Variants in MTSS1 observed in about 807,000 individuals in gnomAD.
The protein encoded by MTSS1 is protein MTSS 1.
MTSS1 carries 18 observed loss-of-function variants against 79.0 expected under a neutral mutation model. That is an observed-to-expected ratio of 0.23 (90% CI 0.16 to 0.34). The LOEUF is 0.34. Among genes scored for constraint, MTSS1 ranks in the 10% least tolerant of loss-of-function variants. MTSS1 has a pLI of 1.00. For synonymous variants in MTSS1, 341 were observed against 368.6 expected (o/e 0.93, Z 0.86); for missense variants, 815 against 986.2 (o/e 0.83, Z 2.33).
intron 1 of MTSS1, among the ~76,000 whole-genome samples, chr8:124,724,156 C>G (rs1389268294): frequency 6.6e-6 from 1 of 152,180 alleles, no homozygotes; most frequent in Non-Finnish European, 1.5e-5. Context: ...AAAAAAAATC[C>G]TGAAATCACT....
At chr8:124,578,494 C>T (rs1422518218) in intron 6 of MTSS1, among the ~76,000 whole-genome samples, 2 of 151,998 alleles carry the variant, frequency 1.3e-5, no homozygotes, top group South Asian at 2.1e-4. Flanking sequence ...ACACCTTTTG[C>T]TTATATTCAT....
intron 3 of MTSS1, among the ~76,000 whole-genome samples, chr8:124,648,214 A>G (rs1174384375): frequency 6.6e-6 from 1 of 152,200 alleles, no homozygotes; most frequent in African/African-American, 2.4e-5. Flanking sequence ...AAAGATTATG[A>G]GTTGATGTTC....
Position 124,598,029 on chromosome 8 carries a change from C to G in MTSS1, c.209-6794G>C, listed in dbSNP as rs1833067647. ...TGGCCATGCCTATAATCCCAACACT[C>G]TGGAAGGCTGAGGCAGGAGGATCAC... On this transcript the variant is annotated intron_variant, in intron 3 of 13. Coordinates refer to ENST00000518547, the MANE Select transcript of MTSS1 (RefSeq NM_014751.6). 1.3e-5 allele frequency among the ~76,000 whole-genome samples: 2 copies of G among 152,176 alleles called. 1 individual carries two copies. The highest frequency in any genetic ancestry group is 1.3e-4 in the Admixed American group (2 of 15,284).
At chr8:124,589,763 T>C (rs1831511237) in intron 4 of MTSS1, 52 bp from the exon 5 acceptor site, 1 of 1,278,028 alleles carries the variant, frequency 7.8e-7, no homozygotes, top group Non-Finnish European at 1.1e-6. Context: ...TACATTCTGT[T>C]GTCAGGATTT....
In MTSS1 at chr8:124,636,423, AC is replaced by A. The variant is rs571047919; in HGVS notation, c.209-45189del. Among the ~76,000 whole-genome samples the A allele has an allele frequency of 8.5e-5, 13 of 152,168 alleles. No homozygotes were observed. The South Asian group carries it at 2.7e-3, about 32-fold the overall frequency. ...TGGGATTACAGGTGTGAGTCACTGC[AC>A]CCCGCCAAAGTTTGGTGGCCTTTCT... On this transcript the variant is annotated intron_variant, in intron 3 of 13. Coordinates refer to ENST00000518547, the MANE Select transcript of MTSS1 (RefSeq NM_014751.6).
At chr8:124,600,215 C>T (rs1361146722) in intron 3 of MTSS1, among the ~76,000 whole-genome samples, 2 of 152,070 alleles carry the variant, frequency 1.3e-5, no homozygotes, top group African/African-American at 4.8e-5. Context: ...TTTACAGTTG[C>T]CTCATCCATA....
intron 3 of MTSS1, among the ~76,000 whole-genome samples, chr8:124,669,679 T>C (rs1563966988): frequency 6.6e-6 from 1 of 152,346 alleles, no homozygotes; most frequent in South Asian, 2.1e-4. Context: ...TCTATATACA[T>C]TCAGGGACAC....
chr8:124,607,302 C>T (rs1161545034), intron 3 of MTSS1, among the ~76,000 whole-genome samples: 1 of 152,198 alleles, frequency 6.6e-6, no homozygotes, highest in East Asian at 1.9e-4. Context: ...AGGCCAGGGA[C>T]AGAGGATGCA....
At chr8:124,639,843 T>C (rs1469950149) in intron 3 of MTSS1, among the ~76,000 whole-genome samples, 2 of 152,234 alleles carry the variant, frequency 1.3e-5, no homozygotes, top group Non-Finnish European at 2.9e-5. Context: ...TTTCGTTCAA[T>C]TTCTTGCCCC....
chr8:124,555,214 G>A lies in MTSS1; in HGVS notation c.1567+528C>T, dbSNP rs1208687177. Among the ~76,000 whole-genome samples the A allele has an allele frequency of 4.6e-5, 7 of 152,018 alleles. No individual in the cohort carries two copies. The East Asian group carries it at 5.8e-4, about 13-fold the overall frequency. On this transcript the variant is annotated intron_variant, in intron 13 of 13. Transcript: ENST00000518547. ...ACTGCTGTATATGATGCTGCAAAAC[G>A]CAAAAAGCTGTGAAAGTCCAGATCC...
At chr8:124,616,708 C>T (rs1183725799) in intron 3 of MTSS1, among the ~76,000 whole-genome samples, 2 of 152,196 alleles carry the variant, frequency 1.3e-5, no homozygotes, top group African/African-American at 4.8e-5. Context: ...GTTGCTACAA[C>T]TTAGAACCTA....
At position 124,565,645 on chromosome 8, in the gene MTSS1, AC is replaced by A. The variant is rs778428802; in HGVS notation, c.824+16del. ...TGACCCGTCCTGAAAGCAAGAGTGG[AC>A]CCCGGCTTCACTCACCTGCAGACAC... On this transcript the variant is annotated intron_variant, in intron 9 of 13. Coordinates refer to ENST00000518547, the MANE Select transcript of MTSS1 (RefSeq NM_014751.6). The A allele has an allele frequency of 4.2e-5, 67 of 1,605,894 alleles. No homozygotes were observed. Among genetic ancestry groups the A allele is most frequent in the Admixed American group, 1.0e-4 (6 of 59,978 alleles).
chr8:124,562,047 A>C (rs1187320137), intron 10 of MTSS1, among the ~76,000 whole-genome samples: 2 of 152,134 alleles, frequency 1.3e-5, no homozygotes, highest in African/African-American at 4.8e-5. Context: ...CTGTATGTAG[A>C]GCTACTTGCC....
At chr8:124,605,588 T>TGCCTCCCTCCCTGCCCTCG (rs1834669274) in intron 3 of MTSS1, among the ~76,000 whole-genome samples, 28 of 114,482 alleles carry the variant, frequency 2.4e-4, no homozygotes, top group African/African-American at 8.5e-4. Context: ...CCCTGCCCTC[T>TGCCTCCCTCCCTGCCCTCG]CGCTGCCTCC....
chr8:124,615,012 G>T (rs4871515), intron 3 of MTSS1, among the ~76,000 whole-genome samples: 7,927 of 152,296 alleles, frequency 0.052, 338 homozygotes, highest in African/African-American at 0.11. Flanking sequence ...GGAAGACAGT[G>T]TATGTTGGAG....
chr8:124,561,423 A>G (rs1295005320), intron 10 of MTSS1, among the ~76,000 whole-genome samples: 3 of 152,236 alleles, frequency 2.0e-5, no homozygotes, highest in Non-Finnish European at 4.4e-5. Flanking sequence ...TCTTAAAAAC[A>G]TAACATGACA....
At position 124,562,957 on chromosome 8, in the gene MTSS1, G is replaced by T. The variant is rs554294362; in HGVS notation, c.860C>A (p.Ser287Tyr). 1 of 1,612,216 alleles carries T rather than the reference G, an allele frequency of 6.2e-7. No homozygotes were observed. The highest frequency in any genetic ancestry group is 2.2e-5 in the East Asian group (1 of 44,842). ...GGGGGAATGCGAGTGGGAGCCGCTG[G>T]ACCGGGAGTCACTGCTGTTGACACT... ...LNSVNSSDSR[S>Y]SGSHSHSPSS... The change falls in exon 10 of 14, where the codon TCC becomes TAC. Residue 287 changes from serine (S) to tyrosine (Y), a missense_variant. Coordinates refer to ENST00000518547, the MANE Select transcript of MTSS1 (RefSeq NM_014751.6).
At chr8:124,704,774 T>C (rs1354652298) in intron 1 of MTSS1, among the ~76,000 whole-genome samples, 3 of 152,198 alleles carry the variant, frequency 2.0e-5, no homozygotes, top group Admixed American at 1.3e-4. Context: ...TCCCAGCCTA[T>C]TATCAGCCAC....
chr8:124,598,459 G>A (rs1056318946), intron 3 of MTSS1, among the ~76,000 whole-genome samples: 7 of 152,084 alleles, frequency 4.6e-5, no homozygotes, highest in African/African-American at 9.7e-5. Context: ...GAGCACTGGC[G>A]TAGGAACATG....
Sources: allele counts gnomAD v4.1 joint callset (sites outside exome capture counted in the v4.1 genomes callset), GRCh38; gene constraint gnomAD v4.1.1; transcripts MANE v1.5; gene names NCBI Gene and HGNC (gene_info 2026-07-23, HGNC 2026-07-21).